PIM2: variants seen among roughly 807,000 people sequenced by gnomAD.
PIM2 encodes serine/threonine-protein kinase pim-2.
PIM2 carries 3 observed loss-of-function variants against 18.0 expected under a neutral mutation model. The ratio of observed to expected loss-of-function variants is 0.17; its 90% confidence interval spans 0.08 to 0.43. PIM2 has a LOEUF of 0.43. Among genes scored for constraint, PIM2 ranks in the 20% least tolerant of loss-of-function variants. The pLI is 0.99. For synonymous variants in PIM2, 117 were observed against 105.3 expected (o/e 1.11, Z -0.68); for missense variants, 181 against 260.8 (o/e 0.69, Z 2.11).
Position 48,915,243 on chromosome X carries a change from A to G in PIM2, c.372T>C (p.Asp124=), listed in dbSNP as rs1774263304. The change falls in exon 4 of 6, where the codon GAT becomes GAC. Residue 124 remains aspartate (D), a synonymous_variant. Transcript: ENST00000376509. ...CCTTCTCTGTGATATAGTCAAAGAG[A>G]TCCTGGGCGGGCAAAGGCCGCTCGA... The part of the protein sequence containing the change: ...LVLERPLPAQ[D]LFDYITEKGP... 1.7e-6 allele frequency: 2 copies of G among 1,210,663 alleles called. No homozygotes were observed. The highest frequency in any genetic ancestry group is 3.5e-5 in the African/African-American group (2 of 57,394).
intron 3 of PIM2, among the ~76,000 whole-genome samples, chrX:48,917,277 A>G (rs1324468957): frequency 2.7e-5 from 3 of 111,733 alleles, no homozygotes; most frequent in Non-Finnish European, 5.7e-5. Flanking sequence ...TCTCCTGGCC[A>G]GGCTGCTGAC....
chrX:48,918,883 G>A lies in PIM2; in HGVS notation c.-49C>T, dbSNP rs1418946093. ...GCCCACTGAACCCGCTAAGCCCGCA[G>A]GGCGTGGACGCCCGGGGCAGCGCAG... On this transcript the variant is annotated 5_prime_UTR_variant, in exon 1 of 6. Coordinates refer to ENST00000376509, the MANE Select transcript of PIM2 (RefSeq NM_006875.4). 2 of 1,077,188 alleles carry A rather than the reference G, an allele frequency of 1.9e-6. No homozygotes were observed. The highest frequency in any genetic ancestry group is 5.5e-5 in the Admixed American group (2 of 36,492). The allele number at this position is 1,077,188 out of a possible 1,213,427, so 88.8% of individuals were successfully genotyped here.
rs782410917 is a variant in PIM2 at position 48,915,294 on chromosome X, C to G, written c.321G>C (p.Glu107Asp). The G allele has an allele frequency of 1.7e-6, 2 of 1,212,054 alleles. No homozygotes were observed. The highest frequency in any genetic ancestry group is 5.9e-5 in the East Asian group (2 of 33,853). ...PGVIRLLDWFETQEGFMLVLE... is the reference protein window; with the variant it reads ...PGVIRLLDWFDTQEGFMLVLE... The stretch of plus-strand genomic sequence containing the variant: ...GGACCAGCATGAAGCCCTCCTGTGT[C>G]TCAAACCAGTCAAGCAGGCGGATCA... The change falls in exon 4 of 6, where the codon GAG (glutamate) becomes GAC (aspartate). Residue 107 changes from glutamate to aspartate, a missense_variant. Coordinates refer to ENST00000376509, the MANE Select transcript of PIM2 (RefSeq NM_006875.4).
intron 3 of PIM2, among the ~76,000 whole-genome samples, chrX:48,916,138 G>T (rs1365119021): frequency 8.9e-6 from 1 of 112,669 alleles, no homozygotes; most frequent in Non-Finnish European, 1.9e-5. Flanking sequence ...GGACGTATAT[G>T]AAGCACTAGA....
chrX:48,916,152 G>C (rs1024202746), intron 3 of PIM2, among the ~76,000 whole-genome samples: 2 of 112,796 alleles, frequency 1.8e-5, no homozygotes, highest in Non-Finnish European at 3.7e-5. Flanking sequence ...CACTAGAACA[G>C]TGGCTGCTAA....
chrX:48,917,692 C>T, intron 3 of PIM2, 89 bp downstream of exon 3: 1 of 679,346 alleles, frequency 1.5e-6, no homozygotes. Flanking sequence ...TTACAGGGCC[C>T]AGGGAGTCAT....
rs782211152 is a variant in PIM2 at position 48,914,495 on chromosome X, C to T, written c.672G>A (p.Leu224=). 2.4e-5 allele frequency: 29 copies of T among 1,207,236 alleles called. No individual in the cohort carries two copies. Among genetic ancestry groups the T allele is most frequent in the Non-Finnish European group, 3.1e-5 (28 of 894,207 alleles). ...ACACCATGTCATAGAGGAGGATGCCCAGTGACCAGACAGTGGCCGGGAGTG... is the reference window on the plus strand; with the variant it reads ...ACACCATGTCATAGAGGAGGATGCCTAGTGACCAGACAGTGGCCGGGAGTG... ...YHALPATVWS[L]GILLYDMVCG... The change falls in exon 5 of 6, where the codon CTG becomes CTA. Residue 224 remains leucine (L), a synonymous_variant. Transcript: ENST00000376509.
Position 48,914,558 on chromosome X carries a change from G to A in PIM2, c.609C>T (p.Tyr203=), listed in dbSNP as rs55870413. ...PYTDFDGTRV[Y]SPPEWISRHQ... is the part of the protein sequence containing the mutation. ...GTCGAGAGATCCACTCTGGGGGGCT[G>A]TACACCCTTGTCCCTGCACACAAGC... The change falls in exon 5 of 6, where the codon TAC becomes TAT. Residue 203 remains tyrosine, a synonymous_variant. Transcript: ENST00000376509. The A allele has an allele frequency of 4.4e-4, 528 of 1,204,997 alleles. No homozygotes were observed. The highest frequency in any genetic ancestry group is 5.5e-4 in the Non-Finnish European group (493 of 892,919).
chrX:48,917,155 C>CAA (rs35615368), intron 3 of PIM2, among the ~76,000 whole-genome samples: 243 of 98,650 alleles, frequency 2.5e-3, no homozygotes, highest in African/African-American at 8.1e-3. Flanking sequence ...ACTGTGTCTC[C>CAA]AAAAAAAAAA....
At chrX:48,917,735 T>A (rs1463544257) in intron 3 of PIM2, 46 bp downstream of exon 3, 1 of 1,046,535 alleles carries the variant, frequency 9.6e-7, no homozygotes, top group Non-Finnish European at 1.3e-6. Flanking sequence ...GGTGAATACA[T>A]CAGTGATGGA....
chrX:48,918,805 G>A lies in PIM2; in HGVS notation c.30C>T (p.Pro10=), dbSNP rs782117620. Residue 10 remains proline, a synonymous_variant, in exon 1 of 6, where the codon CCC becomes CCT. Transcript: ENST00000376509. Reference sequence around the variant, plus strand: ...GCGGCGTGGGGGTCCCGGGGGGCGCGGGAGGCCCCTGTAGAGGCTTGGTCA... The same window carrying A: ...GCGGCGTGGGGGTCCCGGGGGGCGCAGGAGGCCCCTGTAGAGGCTTGGTCA... The part of the protein sequence containing the change: MLTKPLQGP[P]APPGTPTPPP... The A allele has an allele frequency of 8.4e-7, 1 of 1,195,434 alleles. No individual in the cohort carries two copies. The highest frequency in any genetic ancestry group is 1.1e-6 in the Non-Finnish European group (1 of 890,324).
At chrX:48,918,693 A>C (rs2063570353) in intron 1 of PIM2, 48 bp from the exon 2 acceptor site, 1 of 1,120,010 alleles carries the variant, frequency 8.9e-7, no homozygotes, top group Non-Finnish European at 1.2e-6. Context: ...TGCTGAGCCC[A>C]GCCACGACTC....
intron 3 of PIM2, among the ~76,000 whole-genome samples, chrX:48,917,269 T>A (rs1225570238): frequency 9.0e-6 from 1 of 111,182 alleles, no homozygotes; most frequent in Non-Finnish European, 1.9e-5. Context: ...TAGAGCCCTC[T>A]CCTGGCCAGG....
chrX:48,918,298 G>GCCCCCCCC (rs11361543), intron 2 of PIM2, among the ~76,000 whole-genome samples: 4 of 25,005 alleles, frequency 1.6e-4, no homozygotes, highest in Admixed American at 6.0e-4. Context: ...GAAGCCCCCT[G>GCCCCCCCC]CCCCCCCCCC....
intron 3 of PIM2, among the ~76,000 whole-genome samples, chrX:48,916,989 T>C (rs782659057): frequency 5.5e-5 from 6 of 109,891 alleles, no homozygotes; most frequent in Non-Finnish European, 9.5e-5. Context: ...ACCCTGTCTC[T>C]ACTAAAAATA....
chrX:48,914,672 A>G, intron 4 of PIM2, 101 bp from the exon 5 acceptor site: 3 of 721,116 alleles, frequency 4.2e-6, no homozygotes, highest in Non-Finnish European at 6.0e-6. Flanking sequence ...AAGAGCACTC[A>G]AGATAAAAGC....
intron 3 of PIM2, 104 bp from the exon 4 acceptor site, chrX:48,915,496 T>G (rs1027716103): frequency 1.2e-6 from 1 of 817,818 alleles, no homozygotes; most frequent in Non-Finnish European, 1.7e-6. Flanking sequence ...CCCCTTTTCC[T>G]GACAGTGTGT....
At chrX:48,915,523 T>G in intron 3 of PIM2, 131 bp from the exon 4 acceptor site, 1 of 611,917 alleles carries the variant, frequency 1.6e-6, no homozygotes, top group Non-Finnish European at 2.4e-6. Context: ...GCAACTCACT[T>G]CCCTTCCTGG....
At chrX:48,914,857 C>T in intron 4 of PIM2, 163 bp downstream of exon 4, 2 of 524,850 alleles carry the variant, frequency 3.8e-6, no homozygotes, top group Non-Finnish European at 6.2e-6. Flanking sequence ...AAAAGATGGA[C>T]TTTATCAGAG....
Sources: gnomAD v4.1 joint callset for allele counts (sites outside exome capture counted in the v4.1 genomes callset) on GRCh38, gnomAD v4.1.1 for gene constraint, MANE v1.5 for transcripts, NCBI Gene and HGNC (gene_info 2026-07-23, HGNC 2026-07-21) for gene names.